The following FAAH2 variants were observed in gnomAD, a reference collection of about 807,000 sequenced individuals.
FAAH2 encodes fatty acid amide hydrolase 2.
FAAH2 carries 60 observed loss-of-function variants against 36.9 expected under a neutral mutation model. The ratio of observed to expected loss-of-function variants is 1.63; its 90% CI spans 1.32 to 2.02. The LOEUF (loss-of-function observed/expected upper bound fraction) is 2.02, where lower values mean the gene tolerates loss of function less well. FAAH2 is among the 30% of genes most tolerant of loss of function. The pLI, the probability that FAAH2 is intolerant of heterozygous loss-of-function variation, is 0.00. For missense variants in FAAH2, 689 were observed against 397.5 expected, an observed-to-expected ratio of 1.73 and a Z score of -6.23; for synonymous variants, 214 against 143.8, an observed-to-expected ratio of 1.49 and a Z score of -3.49.
chrX:57,294,943 A>C (rs1448894554), intron 2 of FAAH2, among the ~76,000 whole-genome samples: 2 of 112,266 alleles, frequency 1.8e-5, no homozygotes, highest in East Asian at 2.8e-4. Context: ...ACAAAAAAAA[A>C]GTAACACTGA....
intron 5 of FAAH2, among the ~76,000 whole-genome samples, chrX:57,353,913 A>G (rs2054095212): frequency 9.0e-6 from 1 of 111,393 alleles, no homozygotes; most frequent in South Asian, 3.7e-4. Flanking sequence ...ATCTTACTCC[A>G]GTCAGAATGG....
chrX:57,233,593 ATGGAGTCCTTT>A, the FAAH2 span, among the ~76,000 whole-genome samples: 2 of 111,359 alleles, frequency 1.8e-5, no homozygotes, highest in Non-Finnish European at 3.8e-5. Flanking sequence ...ATAACATTGG[ATGGAGTCCTTT>A]TGGTGGGTAT....
At chrX:57,186,801 G>A in the FAAH2 span, among the ~76,000 whole-genome samples, 7 of 111,527 alleles carry the variant, frequency 6.3e-5, no homozygotes, top group African/African-American at 2.0e-4. Context: ...TCTCCCCAGC[G>A]CCATTTATTA....
At chrX:57,171,037 C>G in the FAAH2 span, among the ~76,000 whole-genome samples, 1 of 111,232 alleles carries the variant, frequency 9.0e-6, no homozygotes, top group Non-Finnish European at 1.9e-5. Context: ...CACTGAGTTA[C>G]TTTACTTAGA....
intron 2 of FAAH2, among the ~76,000 whole-genome samples, chrX:57,306,691 TG>T (rs1210858484): frequency 1.3e-4 from 1 of 7,474 alleles, no homozygotes; most frequent in Non-Finnish European, 4.4e-4. Flanking sequence ...AGCAACATCT[TG>T]TGTGTGTGTG....
intron 4 of FAAH2, among the ~76,000 whole-genome samples, chrX:57,339,821 T>C (rs2053642776): frequency 8.9e-6 from 1 of 112,031 alleles, no homozygotes; most frequent in Non-Finnish European, 1.9e-5. Flanking sequence ...TAGTTCAACC[T>C]TTGTGGAAGA....
At chrX:57,139,745 C>T in the FAAH2 span, among the ~76,000 whole-genome samples, 5 of 111,778 alleles carry the variant, frequency 4.5e-5, no homozygotes, top group African/African-American at 9.8e-5. Context: ...TGAGCCACCA[C>T]GCCTGTCCCC....
At chrX:57,317,919 G>A (rs1373016008) in intron 3 of FAAH2, among the ~76,000 whole-genome samples, 1 of 110,950 alleles carries the variant, frequency 9.0e-6, no homozygotes, top group African/African-American at 3.3e-5. Context: ...AATGACTACT[G>A]GGTAAAGAAA....
chrX:57,246,108 T>C, the FAAH2 span, among the ~76,000 whole-genome samples: 191 of 111,931 alleles, frequency 1.7e-3, 1 homozygote, highest in African/African-American at 6.0e-3. Flanking sequence ...TCTATGCAAA[T>C]ATACTAGAAA....
the FAAH2 span, among the ~76,000 whole-genome samples, chrX:57,270,605 T>A: frequency 9.0e-6 from 1 of 111,326 alleles, no homozygotes; most frequent in East Asian, 2.8e-4. Flanking sequence ...AGAAGGTGGG[T>A]GATTTCTGCA....
At chrX:57,164,312 C>A in the FAAH2 span, among the ~76,000 whole-genome samples, 3 of 112,191 alleles carry the variant, frequency 2.7e-5, no homozygotes, top group East Asian at 2.8e-4. Context: ...TTATAAAATT[C>A]TTTCTGCATC....
chrX:57,328,557 T>A (rs1276946310), intron 3 of FAAH2, among the ~76,000 whole-genome samples: 1 of 111,655 alleles, frequency 9.0e-6, no homozygotes, highest in East Asian at 2.8e-4. Flanking sequence ...TCTATTTATC[T>A]CATTTCAGCC....
the FAAH2 span, among the ~76,000 whole-genome samples, chrX:57,157,300 A>AT: frequency 9.0e-6 from 1 of 111,586 alleles, no homozygotes; most frequent in African/African-American, 3.3e-5. Flanking sequence ...AATGCACCCA[A>AT]TGACTGTAGT....
chrX:57,142,557 G>A, the FAAH2 span, among the ~76,000 whole-genome samples: 2 of 112,123 alleles, frequency 1.8e-5, no homozygotes, highest in African/African-American at 6.5e-5. Flanking sequence ...TCCATGTGCT[G>A]AGGAGAAGAA....
chrX:57,393,158 G>A, intron 7 of FAAH2: 1 of 1,124,848 alleles, frequency 8.9e-7, no homozygotes, highest in Non-Finnish European at 1.2e-6. Context: ...CTCAGTCTCT[G>A]TATCTGTCTT....
At chrX:57,394,472 G>A (rs779830989) in intron 7 of FAAH2, 1 of 1,200,633 alleles carries the variant, frequency 8.3e-7, no homozygotes, top group Non-Finnish European at 1.1e-6. Context: ...CGGTTTACAA[G>A]ATCGTGATAT....
chrX:57,433,147 C>G (rs1354011833), intron 8 of FAAH2, among the ~76,000 whole-genome samples: 1 of 111,071 alleles, frequency 9.0e-6, no homozygotes, highest in African/African-American at 3.3e-5. Context: ...AAATCAAAAA[C>G]AAAAAGTTTA....
At chrX:57,385,708 A>G (rs1203498472) in intron 7 of FAAH2, among the ~76,000 whole-genome samples, 3 of 111,935 alleles carry the variant, frequency 2.7e-5, no homozygotes, top group Non-Finnish European at 3.8e-5. Flanking sequence ...CATCCAGGCC[A>G]TCCTGGCTAA....
At chrX:57,341,108 T>G (rs748365101) in intron 4 of FAAH2, among the ~76,000 whole-genome samples, 163 bp from the exon 5 acceptor site, 1 of 112,350 alleles carries the variant, frequency 8.9e-6, no homozygotes, top group Non-Finnish European at 1.9e-5. Flanking sequence ...TCAAGTAATA[T>G]AGATGAATAG....
Sources: allele counts gnomAD v4.1 joint callset (sites outside exome capture counted in the v4.1 genomes callset), GRCh38; gene constraint gnomAD v4.1.1; transcripts MANE v1.5; gene names NCBI Gene and HGNC (gene_info 2026-07-23, HGNC 2026-07-21).